Variants in PTPRT observed in about 807,000 individuals in gnomAD.
PTPRT encodes receptor-type tyrosine-protein phosphatase T.
A neutral mutation model predicts 176.8 loss-of-function variants in PTPRT; 56 were observed. That is an observed-to-expected ratio of 0.32 (90% confidence interval 0.26 to 0.40). The LOEUF (loss-of-function observed/expected upper bound fraction) is 0.40, where lower values mean the gene tolerates loss of function less well. Ranked by LOEUF, PTPRT falls within the 10% of genes least tolerant of loss-of-function variation. The pLI is 1.00. For synonymous variants in PTPRT, 783 were observed against 739.0 expected (o/e 1.06, Z -0.96); for missense variants, 1,540 against 1,908.2 (o/e 0.81, Z 3.60).
At chr20:42,247,235 C>T (rs1396897373) in intron 14 of PTPRT, among the ~76,000 whole-genome samples, 4 of 152,090 alleles carry the variant, frequency 2.6e-5, no homozygotes, top group Non-Finnish European at 5.9e-5. Context: ...GAAGAAATGT[C>T]CTCACAGTTT....
At chr20:42,477,365 G>A (rs547807943) in intron 7 of PTPRT, among the ~76,000 whole-genome samples, 1 of 152,118 alleles carries the variant, frequency 6.6e-6, no homozygotes, top group Admixed American at 6.5e-5. Flanking sequence ...ATGTCAGCCA[G>A]GTCTTTAAGG....
At chr20:42,942,238 C>T (rs1243215855) in intron 1 of PTPRT, among the ~76,000 whole-genome samples, 1 of 152,210 alleles carries the variant, frequency 6.6e-6, no homozygotes, top group African/African-American at 2.4e-5. Flanking sequence ...TATGCCATGT[C>T]CATACTGGCT....
intron 15 of PTPRT, among the ~76,000 whole-genome samples, chr20:42,202,750 G>A (rs1240931121): frequency 1.3e-5 from 2 of 152,126 alleles, no homozygotes; most frequent in African/African-American, 4.8e-5. Flanking sequence ...CTATAAATGA[G>A]TATGTTTCGG....
intron 7 of PTPRT, among the ~76,000 whole-genome samples, chr20:42,615,046 A>T (rs2074046301): frequency 7.4e-6 from 1 of 134,916 alleles, no homozygotes; most frequent in Non-Finnish European, 1.6e-5. Flanking sequence ...CTAACTCGTC[A>T]TCTAGCATTA....
At chr20:43,113,408 A>C (rs533522975) in intron 1 of PTPRT, among the ~76,000 whole-genome samples, 1 of 152,230 alleles carries the variant, frequency 6.6e-6, no homozygotes, top group African/African-American at 2.4e-5. Context: ...TTCACTTTTC[A>C]TAAGTTATTT....
At chr20:42,644,723 A>T (rs1330457383) in intron 7 of PTPRT, among the ~76,000 whole-genome samples, 1 of 152,164 alleles carries the variant, frequency 6.6e-6, no homozygotes. Context: ...TCTGGGAGGT[A>T]GGCTGTGAGT....
At chr20:42,087,872 CAAAAAAAAAAAAA>C (rs56235565) in intron 27 of PTPRT, among the ~76,000 whole-genome samples, 4 of 89,052 alleles carry the variant, frequency 4.5e-5, no homozygotes, top group African/African-American at 7.1e-5. Flanking sequence ...GACTCCATTT[CAAAAAAAAAAAAA>C]AAAAAAAAAA....
chr20:42,706,187 G>GTA (rs1469148059), intron 6 of PTPRT, among the ~76,000 whole-genome samples: 1 of 87,252 alleles, frequency 1.1e-5, no homozygotes, highest in Non-Finnish European at 2.4e-5. Flanking sequence ...GTTTGTGTGT[G>GTA]TGTGTGTGTG....
chr20:42,340,017 C>T (rs1223433294), intron 11 of PTPRT, among the ~76,000 whole-genome samples: 1 of 152,150 alleles, frequency 6.6e-6, no homozygotes, highest in African/African-American at 2.4e-5. Context: ...TGGGCCTTGA[C>T]CTCTTCTTAC....
At chr20:42,251,542 A>C (rs1027794215) in intron 13 of PTPRT, among the ~76,000 whole-genome samples, 3 of 152,072 alleles carry the variant, frequency 2.0e-5, no homozygotes, top group African/African-American at 7.2e-5. Flanking sequence ...TGGCACTTGT[A>C]AATAGATACT....
At chr20:42,101,024 T>G (rs1440483378) in intron 26 of PTPRT, among the ~76,000 whole-genome samples, 2 of 152,214 alleles carry the variant, frequency 1.3e-5, no homozygotes, top group Non-Finnish European at 2.9e-5. Context: ...AGAGAAGTTG[T>G]TGGCCTTGAC....
intron 13 of PTPRT, among the ~76,000 whole-genome samples, chr20:42,256,752 G>T (rs2056648669): frequency 1.3e-5 from 2 of 152,192 alleles, no homozygotes. Context: ...AGGAGACAAT[G>T]CTGGGGAAAC....
rs535540662 is a variant in PTPRT at position 42,679,298 on chromosome 20, G to GA, written c.860-1140dup. On this transcript the variant is annotated intron_variant, in intron 6 of 30. Coordinates refer to ENST00000373187, the MANE Select transcript of PTPRT (RefSeq NM_007050.6). ...GCATTATCACCTTAACTTTAATGGG[G>GA]AAAAAAAAAAAAACTGACAACCTAA... Among the ~76,000 whole-genome samples, 690 of 141,176 alleles carry GA rather than the reference G, an allele frequency of 4.9e-3. 3 individuals carry two copies. The highest frequency in any genetic ancestry group is 6.2e-3 in the Non-Finnish European group (398 of 64,040). The allele number at this position is 141,176 out of a possible 152,430, so 92.6% of individuals were successfully genotyped here.
chr20:42,852,880 C>T (rs2078499937), intron 2 of PTPRT, among the ~76,000 whole-genome samples: 2 of 152,136 alleles, frequency 1.3e-5, no homozygotes, highest in African/African-American at 4.8e-5. Flanking sequence ...AACACAAGTT[C>T]ACTCAGAGTG....
At chr20:42,489,888 T>C (rs1485912548) in intron 7 of PTPRT, among the ~76,000 whole-genome samples, 1 of 152,246 alleles carries the variant, frequency 6.6e-6, no homozygotes, top group Admixed American at 6.5e-5. Flanking sequence ...TCATTCACAC[T>C]GACATCTTAG....
chr20:42,794,851 G>A (rs1409110070), intron 2 of PTPRT, among the ~76,000 whole-genome samples: 5 of 121,256 alleles, frequency 4.1e-5, no homozygotes, highest in Admixed American at 1.0e-4. Context: ...CAATGCTAGT[G>A]TAAGGTCTTG....
intron 1 of PTPRT, among the ~76,000 whole-genome samples, chr20:43,109,567 T>C (rs1033214280): frequency 6.6e-6 from 1 of 152,160 alleles, no homozygotes; most frequent in Non-Finnish European, 1.5e-5. Context: ...TGCTAGGGGC[T>C]GAGGATATGG....
chr20:42,611,479 C>T (rs1400658290), intron 7 of PTPRT, among the ~76,000 whole-genome samples: 1 of 152,160 alleles, frequency 6.6e-6, no homozygotes, highest in Non-Finnish European at 1.5e-5. Flanking sequence ...GAGGTTGAGC[C>T]TGTCAAGGTT....
chr20:42,416,077 T>A (rs2059063583), intron 9 of PTPRT, among the ~76,000 whole-genome samples: 1 of 152,172 alleles, frequency 6.6e-6, no homozygotes, highest in Non-Finnish European at 1.5e-5. Flanking sequence ...GGAAATAGGC[T>A]CTTTGCTGAT....
Sources: allele counts gnomAD v4.1 joint callset (sites outside exome capture counted in the v4.1 genomes callset), GRCh38; gene constraint gnomAD v4.1.1; transcripts MANE v1.5; gene names NCBI Gene and HGNC (gene_info 2026-07-23, HGNC 2026-07-21).